Variants in CSMD3 observed in about 807,000 individuals in gnomAD.
The protein encoded by CSMD3 is CUB and Sushi multiple domains 3.
In CSMD3, 177 loss-of-function variants were observed where a neutral mutation model predicts 435.2. The ratio of observed to expected loss-of-function variants is 0.41; its 90% CI spans 0.36 to 0.46. CSMD3 has a LOEUF of 0.46. Ranked by LOEUF, CSMD3 falls within the 20% of genes least tolerant of loss-of-function variation. The pLI is 0.34. For missense variants in CSMD3, 4,265 were observed against 4,504.6 expected, an observed-to-expected ratio of 0.95 and a Z score of 1.52; for synonymous variants, 1,656 against 1,520.5, an observed-to-expected ratio of 1.09 and a Z score of -2.07.
intron 27 of CSMD3, among the ~76,000 whole-genome samples, chr8:112,530,524 A>T (rs1277943341): frequency 6.6e-6 from 1 of 152,300 alleles, no homozygotes; most frequent in East Asian, 1.9e-4. Flanking sequence ...GAAAGAAAAA[A>T]TAGCCTGCCA....
At chr8:113,090,815 G>A (rs903127638) in intron 5 of CSMD3, among the ~76,000 whole-genome samples, 1 of 151,912 alleles carries the variant, frequency 6.6e-6, no homozygotes, top group African/African-American at 2.4e-5. Flanking sequence ...TCAAAATACT[G>A]CCCAGCAATC....
At chr8:113,073,279 C>T (rs140289964) in intron 5 of CSMD3, among the ~76,000 whole-genome samples, 1 of 151,732 alleles carries the variant, frequency 6.6e-6, no homozygotes, top group South Asian at 2.1e-4. Context: ...TAAGTCAATA[C>T]AGTGACTTTT....
chr8:113,434,832 A>G (rs1305291863), intron 1 of CSMD3, among the ~76,000 whole-genome samples: 2 of 152,294 alleles, frequency 1.3e-5, no homozygotes, highest in East Asian at 1.9e-4. Flanking sequence ...GGCGCGGATC[A>G]GCGTTAGTCA....
At chr8:112,646,134 A>T (rs4486236) in intron 19 of CSMD3, among the ~76,000 whole-genome samples, 45,552 of 151,978 alleles carry the variant, frequency 0.3, 6,907 homozygotes, top group East Asian at 0.36. Flanking sequence ...TAACACTATA[A>T]CATGATATGA....
intron 27 of CSMD3, among the ~76,000 whole-genome samples, chr8:112,539,836 T>C (rs1039783500): frequency 6.6e-5 from 10 of 152,132 alleles, no homozygotes; most frequent in Non-Finnish European, 1.5e-4. Context: ...GGACATTAGT[T>C]CTGGCAAATA....
In CSMD3 at chr8:113,355,720, T is replaced by TATATATATATA. The variant is rs1563737793; in HGVS notation, c.179-40928_179-40927insTATATATATAT. Among the ~76,000 whole-genome samples the TATATATATATA allele has an allele frequency of 1.6e-3, 114 of 72,396 alleles. 6 individuals carry two copies. Among genetic ancestry groups the TATATATATATA allele is most frequent in the African/African-American group, 3.5e-3 (63 of 18,128 alleles). The allele number at this position is 72,396 out of a possible 152,430, so 47.5% of individuals were successfully genotyped here. A position where few individuals can be genotyped will look rare whatever the true frequency, so the allele number is the denominator to read the frequency against. On this transcript the variant is annotated intron_variant, in intron 1 of 70. Transcript: ENST00000297405. ...AATAAATAACTCTTAAAAGTTTTATTTTTATATATATATATATATATATAT... is the reference window on the plus strand; with the variant it reads ...AATAAATAACTCTTAAAAGTTTTATTATATATATATATTTATATATATATATATATATATAT...
chr8:112,472,669 C>G lies in CSMD3; in HGVS notation c.5317G>C (p.Val1773Leu), dbSNP rs2130754366. ...GSRSTGSEGT[V>L]LSPNYPKNYS... ...TTTTTTGGATAGTTTGGTGATAGAACAGTGCCTTCTGAACCTGTTGAACGA... is the reference window on the plus strand; with the variant it reads ...TTTTTTGGATAGTTTGGTGATAGAAGAGTGCCTTCTGAACCTGTTGAACGA... The change falls in exon 32 of 71, where the codon GTT (valine) becomes CTT (leucine). Residue 1773 changes from valine to leucine, a missense_variant. By Grantham distance (32) the Val-to-Leu change is conservative. Transcript: ENST00000297405. The G allele has an allele frequency of 6.2e-7, 1 of 1,612,020 alleles. No individual in the cohort carries two copies. Among genetic ancestry groups the G allele is most frequent in the Non-Finnish European group, 8.5e-7 (1 of 1,178,374 alleles).
intron 3 of CSMD3, among the ~76,000 whole-genome samples, chr8:113,247,721 T>G (rs1280218924): frequency 6.6e-6 from 1 of 152,126 alleles, no homozygotes; most frequent in African/African-American, 2.4e-5. Flanking sequence ...ACCTTCCAGT[T>G]TAAAGACAGA....
At chr8:113,397,027 G>A (rs1023516138) in intron 1 of CSMD3, among the ~76,000 whole-genome samples, 9 of 152,088 alleles carry the variant, frequency 5.9e-5, no homozygotes, top group African/African-American at 2.2e-4. Flanking sequence ...TTTATTTTAA[G>A]TATAAACGAA....
intron 38 of CSMD3, among the ~76,000 whole-genome samples, chr8:112,355,725 C>T (rs1374714280): frequency 1.3e-5 from 2 of 151,598 alleles, no homozygotes; most frequent in Admixed American, 6.6e-5. Context: ...CCCAGCTACT[C>T]GGGAGGCTGA....
At chr8:112,680,617 T>G (rs545714387) in intron 16 of CSMD3, among the ~76,000 whole-genome samples, 48 of 152,260 alleles carry the variant, frequency 3.2e-4, no homozygotes, top group Non-Finnish European at 5.3e-4. Context: ...CCATACTATT[T>G]GAAGTTTGAA....
chr8:113,316,955 CT>C (rs2093915176), intron 1 of CSMD3, among the ~76,000 whole-genome samples: 1 of 152,126 alleles, frequency 6.6e-6, no homozygotes, highest in Admixed American at 6.5e-5. Flanking sequence ...GCAAAATTTA[CT>C]ACAGGGATCT....
At chr8:113,369,902 A>C (rs1012213350) in intron 1 of CSMD3, among the ~76,000 whole-genome samples, 6 of 151,852 alleles carry the variant, frequency 4.0e-5, no homozygotes, top group Non-Finnish European at 8.9e-5. Context: ...CTAGAGGCTG[A>C]GGCAGTGACA....
intron 32 of CSMD3, among the ~76,000 whole-genome samples, chr8:112,454,430 A>G (rs1010268889): frequency 2.0e-5 from 3 of 152,164 alleles, no homozygotes; most frequent in African/African-American, 7.2e-5. Flanking sequence ...AATAACCAAT[A>G]ACTCCACCAA....
intron 10 of CSMD3, among the ~76,000 whole-genome samples, chr8:112,904,682 G>T (rs1443811285): frequency 2.0e-5 from 3 of 151,306 alleles, no homozygotes; most frequent in South Asian, 4.1e-4. Context: ...GTTCTGGAAG[G>T]CACTGATGCC....
intron 13 of CSMD3, among the ~76,000 whole-genome samples, chr8:112,755,331 A>AAATAATAATGATAAT (rs1409652814): frequency 5.4e-5 from 7 of 128,734 alleles, no homozygotes; most frequent in African/African-American, 2.2e-4. Context: ...ACTCCGTCTC[A>AAATAATAATGATAAT]AATAATAATA....
chr8:113,393,022 T>A (rs1316954418), intron 1 of CSMD3, among the ~76,000 whole-genome samples: 1 of 151,856 alleles, frequency 6.6e-6, no homozygotes, highest in Non-Finnish European at 1.5e-5. Flanking sequence ...TTTTTACATA[T>A]ATATAAAACC....
intron 28 of CSMD3, among the ~76,000 whole-genome samples, chr8:112,516,787 G>C (rs1823714185): frequency 6.6e-6 from 1 of 152,046 alleles, no homozygotes; most frequent in Non-Finnish European, 1.5e-5. Context: ...AATTTTCCAA[G>C]AGCTTTGATT....
chr8:113,343,802 T>C, intron 1 of CSMD3, among the ~76,000 whole-genome samples: 1 of 152,164 alleles, frequency 6.6e-6, no homozygotes, highest in East Asian at 1.9e-4. Context: ...CCGGGTGCGG[T>C]GGCTCATGCC....
Sources: gnomAD v4.1 joint callset for allele counts (sites outside exome capture counted in the v4.1 genomes callset) on GRCh38, gnomAD v4.1.1 for gene constraint, MANE v1.5 for transcripts, NCBI Gene and HGNC (gene_info 2026-07-23, HGNC 2026-07-21) for gene names.